CD109: variants seen among roughly 807,000 people sequenced by gnomAD.
CD109 encodes the protein CD109 molecule, also known as CD109 antigen.
Under a neutral mutation model 165.8 loss-of-function variants are expected in CD109, and 149 were observed. That is an observed-to-expected ratio of 0.90 (90% confidence interval 0.79 to 1.03). The LOEUF (loss-of-function observed/expected upper bound fraction) is 1.03. Among genes scored for constraint, CD109 ranks in the 50% least tolerant of loss-of-function variants. The pLI is 0.00. For missense variants in CD109, 1,712 were observed against 1,677.8 expected, an observed-to-expected ratio of 1.02 and a Z score of -0.36; for synonymous variants, 585 against 592.1, an observed-to-expected ratio of 0.99 and a Z score of 0.18.
chr6:73,706,675 G>A (rs1312754540), intron 2 of CD109, among the ~76,000 whole-genome samples: 2 of 152,142 alleles, frequency 1.3e-5, no homozygotes, highest in East Asian at 1.9e-4. Flanking sequence ...TTTGGTGGAG[G>A]GGGTAGCAGT....
chr6:73,739,131 T>G (rs1478852646), intron 5 of CD109, among the ~76,000 whole-genome samples: 2 of 152,242 alleles, frequency 1.3e-5, no homozygotes, highest in African/African-American at 4.8e-5. Context: ...ATAATTTGTC[T>G]TGAACCAAAT....
Position 73,787,232 on chromosome 6 carries a change from A to T in CD109, c.2338-2A>T. ...AAGCTTTGATTTATTTTTTTCTTTC[A>T]GGTTAAGGTAATCATTGAGAAAAGT... On this transcript the variant is annotated splice_acceptor_variant, in intron 20 of 32. Coordinates refer to ENST00000287097, the MANE Select transcript of CD109 (RefSeq NM_133493.5). LOFTEE classifies it high-confidence loss of function. 6.3e-7 allele frequency: 1 copy of T among 1,580,830 alleles called. No homozygotes were observed. Among genetic ancestry groups the T allele is most frequent in the Admixed American group, 1.7e-5 (1 of 57,388 alleles).
Position 73,826,622 on chromosome 6 carries a change from G to A in CD109, c.*2989G>A, listed in dbSNP as rs1453587429. ...ATGAAATGCTTCCTTTTATTGTGTT[G>A]TGCTATTGTACTTTGTTTTTCAAAA... On this transcript the variant is annotated 3_prime_UTR_variant, in exon 33 of 33. Coordinates refer to ENST00000287097, the MANE Select transcript of CD109 (RefSeq NM_133493.5). 1.3e-5 allele frequency: 2 copies of A among 152,124 alleles called. No homozygotes were observed. Among genetic ancestry groups the A allele is most frequent in the African/African-American group, 4.8e-5 (2 of 41,434 alleles). 9.4% of individuals were successfully genotyped at this position (152,124 alleles called of 1,614,324 possible). A position where few individuals can be genotyped will look rare whatever the true frequency, so the allele number is the denominator to read the frequency against.
intron 23 of CD109, among the ~76,000 whole-genome samples, chr6:73,802,116 G>A (rs1411180112): frequency 1.3e-5 from 2 of 151,830 alleles, no homozygotes; most frequent in African/African-American, 2.4e-5. Context: ...TGAAACATCT[G>A]CTTTTTATTT....
chr6:73,752,755 A>G (rs1164436144), intron 5 of CD109, among the ~76,000 whole-genome samples: 1 of 152,204 alleles, frequency 6.6e-6, no homozygotes, highest in African/African-American at 2.4e-5. Flanking sequence ...CTTAAAAGAC[A>G]TGCTGCCCAA....
chr6:73,760,707 G>A (rs1033173873), intron 7 of CD109, among the ~76,000 whole-genome samples: 9 of 151,976 alleles, frequency 5.9e-5, no homozygotes, highest in African/African-American at 2.2e-4. Flanking sequence ...TTAGCTGGGT[G>A]TAGTGGCAGA....
Position 73,825,233 on chromosome 6 carries a change from T to C in CD109, c.*1600T>C, listed in dbSNP as rs1001991268. The C allele has an allele frequency of 3.9e-5, 6 of 152,174 alleles. No homozygotes were observed. The highest frequency in any genetic ancestry group is 1.4e-4 in the African/African-American group (6 of 41,446). 9.4% of individuals were successfully genotyped at this position (152,174 alleles called of 1,614,324 possible). Reference sequence around the variant, plus strand: ...ACATAGAAAATAGATCCCCAGACAGTGGTCTATGAAGAGGGCAGTTAAGTA... The same window carrying C: ...ACATAGAAAATAGATCCCCAGACAGCGGTCTATGAAGAGGGCAGTTAAGTA... On this transcript the variant is annotated 3_prime_UTR_variant, in exon 33 of 33. Transcript: ENST00000287097.
intron 7 of CD109, among the ~76,000 whole-genome samples, chr6:73,761,687 A>AT (rs1773638058): frequency 6.6e-6 from 1 of 151,366 alleles, no homozygotes; most frequent in Admixed American, 6.6e-5. Flanking sequence ...CGCCTGGCTA[A>AT]TTTTTTTGCA....
At chr6:73,762,606 C>A in intron 8 of CD109, 126 bp downstream of exon 8, 1 of 962,174 alleles carries the variant, frequency 1.0e-6, no homozygotes, top group Non-Finnish European at 1.6e-6. Flanking sequence ...CAGCATTGAA[C>A]AAATGAGAAT....
chr6:73,742,645 A>G (rs1367220227), intron 5 of CD109, among the ~76,000 whole-genome samples: 1 of 152,242 alleles, frequency 6.6e-6, no homozygotes, highest in Non-Finnish European at 1.5e-5. Context: ...ATTCCTGGTC[A>G]TTTGATGACG....
At chr6:73,680,890 T>C in the CD109 span, among the ~76,000 whole-genome samples, 2 of 152,294 alleles carry the variant, frequency 1.3e-5, no homozygotes, top group South Asian at 4.2e-4. Flanking sequence ...CTTGAGGTGT[T>C]GTCTCCATTC....
At chr6:73,769,123 C>T (rs975015561) in intron 14 of CD109, among the ~76,000 whole-genome samples, 1 of 152,110 alleles carries the variant, frequency 6.6e-6, no homozygotes, top group Non-Finnish European at 1.5e-5. Flanking sequence ...CTCCTGGGCT[C>T]AGGAGATCCA....
chr6:73,807,548 T>C (rs371915618), intron 25 of CD109, among the ~76,000 whole-genome samples: 15 of 152,192 alleles, frequency 9.9e-5, no homozygotes, highest in East Asian at 9.6e-4. Context: ...TGAGAATGAG[T>C]ATGCGTGGAA....
chr6:73,701,391 A>C (rs1771072281), intron 2 of CD109, among the ~76,000 whole-genome samples: 1 of 152,238 alleles, frequency 6.6e-6, no homozygotes, highest in African/African-American at 2.4e-5. Flanking sequence ...AATAATTACC[A>C]GAGGAAAGAA....
At chr6:73,695,833 C>G (rs535640323), upstream of CD109, 63 of 282,670 alleles carry the variant, frequency 2.2e-4, no homozygotes, top group East Asian at 8.0e-3. Context: ...TTTACTCACC[C>G]TGGGCATCGT....
chr6:73,775,230 AC>A (rs1774198035), intron 15 of CD109, among the ~76,000 whole-genome samples: 1 of 152,078 alleles, frequency 6.6e-6, no homozygotes, highest in South Asian at 2.1e-4. Context: ...TATTGTGTAT[AC>A]ATGAGGTTAT....
intron 14 of CD109, 74 bp from the exon 15 acceptor site, chr6:73,771,355 C>A (rs1774026461): frequency 8.1e-7 from 1 of 1,236,038 alleles, no homozygotes; most frequent in Admixed American, 2.3e-5. Context: ...ATATTTTGGG[C>A]CAGTGGTCTG....
chr6:73,796,219 C>T (rs890181375), intron 23 of CD109, among the ~76,000 whole-genome samples: 1 of 152,200 alleles, frequency 6.6e-6, no homozygotes, highest in African/African-American at 2.4e-5. Flanking sequence ...ATGTCAAGAT[C>T]CTGTCACTTG....
Position 73,808,133 on chromosome 6 carries a change from T to G in CD109, c.3240T>G (p.Ser1080Arg). ...TCCATTTTTTGGAGTCTGAATTCAG[T>G]AGAGGAATTTCAGACAATTATACTC... Reference protein sequence around the residue: ...ESIHFLESEFSRGISDNYTLA... With the variant: ...ESIHFLESEFRRGISDNYTLA... Residue 1080 changes from serine (S) to arginine (R), a missense_variant, in exon 26 of 33, where the codon AGT (serine) becomes AGG (arginine). Ser to Arg is a moderately radical substitution (Grantham distance 110). Transcript: ENST00000287097. The G allele has an allele frequency of 6.2e-7, 1 of 1,613,398 alleles. No homozygotes were observed. Among genetic ancestry groups the G allele is most frequent in the Non-Finnish European group, 8.5e-7 (1 of 1,179,566 alleles).
Sources: gnomAD v4.1 joint callset for allele counts (sites outside exome capture counted in the v4.1 genomes callset) on GRCh38, gnomAD v4.1.1 for gene constraint, MANE v1.5 for transcripts, NCBI Gene and HGNC (gene_info 2026-07-23, HGNC 2026-07-21) for gene names.